Variants in LTBP1 observed in about 807,000 individuals in gnomAD.
LTBP1 encodes latent-transforming growth factor beta-binding protein 1.
In LTBP1, 129 loss-of-function variants were observed where a neutral mutation model predicts 207.6. The ratio of observed to expected loss-of-function variants is 0.62; its 90% confidence interval spans 0.54 to 0.72. LTBP1 has a LOEUF of 0.72. Among genes scored for constraint, LTBP1 ranks in the 30% least tolerant of loss-of-function variants. LTBP1 has a pLI of 0.00. For missense variants in LTBP1, 2,281 were observed against 2,217.2 expected, an observed-to-expected ratio of 1.03 and a Z score of -0.58; for synonymous variants, 963 against 833.7, an observed-to-expected ratio of 1.16 and a Z score of -2.67.
At chr2:33,359,469 C>G (rs1204003434) in intron 26 of LTBP1, among the ~76,000 whole-genome samples, 1 of 152,096 alleles carries the variant, frequency 6.6e-6, no homozygotes, top group African/African-American at 2.4e-5. Flanking sequence ...TAATTATCTA[C>G]TAACTTCAAA....
intron 11 of LTBP1, among the ~76,000 whole-genome samples, chr2:33,254,948 T>G (rs1447472518): frequency 1.4e-5 from 2 of 143,922 alleles, no homozygotes; most frequent in East Asian, 4.2e-4. Context: ...TTATTATACT[T>G]TAAGTTTTAG....
chr2:33,267,813 G>C (rs1573523231), intron 15 of LTBP1, among the ~76,000 whole-genome samples: 1 of 152,102 alleles, frequency 6.6e-6, no homozygotes, highest in African/African-American at 2.4e-5. Flanking sequence ...CTGTGTGAAG[G>C]GTAACAAATT....
chr2:33,271,765 A>G (rs1357416884), intron 15 of LTBP1, among the ~76,000 whole-genome samples: 2 of 152,216 alleles, frequency 1.3e-5, no homozygotes, highest in East Asian at 3.9e-4. Flanking sequence ...CTATATTATA[A>G]TTTGTGCCTG....
intron 31 of LTBP1, among the ~76,000 whole-genome samples, chr2:33,369,412 G>A (rs1040330997): frequency 1.3e-5 from 2 of 152,166 alleles, no homozygotes; most frequent in African/African-American, 2.4e-5. Context: ...TGACATTAAA[G>A]ATGCTGGGTG....
chr2:33,191,819 A>G (rs1198789058), intron 7 of LTBP1, among the ~76,000 whole-genome samples: 2 of 152,354 alleles, frequency 1.3e-5, no homozygotes, highest in Non-Finnish European at 2.9e-5. Flanking sequence ...TTTCAATGCA[A>G]TAGTTACCAA....
chr2:33,388,827 A>G (rs1270123543), intron 31 of LTBP1, among the ~76,000 whole-genome samples: 1 of 152,144 alleles, frequency 6.6e-6, no homozygotes, highest in African/African-American at 2.4e-5. Context: ...AATGTTTTTG[A>G]TGATAACTCT....
At chr2:33,127,891 G>A (rs1358338187) in intron 4 of LTBP1, among the ~76,000 whole-genome samples, 2 of 152,220 alleles carry the variant, frequency 1.3e-5, no homozygotes, top group Admixed American at 6.5e-5. Context: ...TGTGGACAGC[G>A]TGGCTTGGCT....
intron 20 of LTBP1, among the ~76,000 whole-genome samples, chr2:33,297,494 C>T (rs1160956566): frequency 2.0e-5 from 3 of 151,686 alleles, no homozygotes; most frequent in Admixed American, 1.3e-4. Flanking sequence ...TGCAGTGGTG[C>T]GATCTCGGCG....
intron 20 of LTBP1, among the ~76,000 whole-genome samples, chr2:33,293,700 T>C (rs1300404194): frequency 6.6e-6 from 1 of 152,086 alleles, no homozygotes; most frequent in Non-Finnish European, 1.5e-5. Context: ...ATTTAGCAAA[T>C]AGAGAAAAAA....
At chr2:33,208,045 T>C (rs536741028) in intron 7 of LTBP1, among the ~76,000 whole-genome samples, 2 of 152,386 alleles carry the variant, frequency 1.3e-5, no homozygotes, top group Non-Finnish European at 2.9e-5. Context: ...ATTCTGATTC[T>C]TATGAAAAGA....
At chr2:33,371,610 G>A (rs2095068359) in intron 31 of LTBP1, among the ~76,000 whole-genome samples, 1 of 152,210 alleles carries the variant, frequency 6.6e-6, no homozygotes, top group Non-Finnish European at 1.5e-5. Flanking sequence ...TGCATATGGA[G>A]TTTATTGGAT....
chr2:33,168,742 A>G (rs1039425703), intron 5 of LTBP1, among the ~76,000 whole-genome samples: 1 of 152,044 alleles, frequency 6.6e-6, no homozygotes, highest in Non-Finnish European at 1.5e-5. Flanking sequence ...CAGTTGAGGT[A>G]TCTAGAAAGA....
At chr2:33,221,900 G>A (rs2091132998) in intron 8 of LTBP1, among the ~76,000 whole-genome samples, 180 bp from the exon 9 acceptor site, 1 of 152,078 alleles carries the variant, frequency 6.6e-6, no homozygotes, top group Admixed American at 6.6e-5. Context: ...TGCAAAATAA[G>A]TATCCTGAAA....
intron 3 of LTBP1, among the ~76,000 whole-genome samples, chr2:33,081,635 T>C (rs1245032918): frequency 1.3e-5 from 2 of 152,064 alleles, no homozygotes; most frequent in Non-Finnish European, 1.5e-5. Context: ...GAAAAGGTAG[T>C]GCTGTGGTTT....
intron 31 of LTBP1, among the ~76,000 whole-genome samples, chr2:33,367,179 C>G (rs1488309681): frequency 6.6e-6 from 1 of 152,070 alleles, no homozygotes; most frequent in Non-Finnish European, 1.5e-5. Flanking sequence ...TCAATCTAAG[C>G]TACACTTTGC....
At chr2:32,983,640 TCC>T (rs1683104877) in intron 2 of LTBP1, among the ~76,000 whole-genome samples, 1 of 152,226 alleles carries the variant, frequency 6.6e-6, no homozygotes, top group Admixed American at 6.5e-5. Context: ...GGCAGGATTT[TCC>T]TGTGCTGTTC....
chr2:33,210,201 G>A (rs1308547282), intron 7 of LTBP1, among the ~76,000 whole-genome samples: 3 of 152,266 alleles, frequency 2.0e-5, no homozygotes, highest in African/African-American at 7.2e-5. Context: ...TGCTGTGGCT[G>A]GACAGCATTT....
At chr2:33,022,374 A>G (rs2075219595) in intron 3 of LTBP1, among the ~76,000 whole-genome samples, 1 of 148,966 alleles carries the variant, frequency 6.7e-6, no homozygotes, top group Admixed American at 6.8e-5. Flanking sequence ...TTGAAATGCT[A>G]CTTTGCTGTT....
At chr2:33,289,686 A>G (rs11685108) in intron 19 of LTBP1, among the ~76,000 whole-genome samples, 13,260 of 152,238 alleles carry the variant, frequency 0.087, 673 homozygotes, top group East Asian at 0.18. Context: ...TTTTTTATCA[A>G]CACTGTTTTT....
Sources: allele counts gnomAD v4.1 joint callset (sites outside exome capture counted in the v4.1 genomes callset), GRCh38; gene constraint gnomAD v4.1.1; transcripts MANE v1.5; gene names NCBI Gene and HGNC (gene_info 2026-07-23, HGNC 2026-07-21).